Variants in PAK5 observed in about 807,000 individuals in gnomAD.
PAK5 encodes the protein p21 (RAC1) activated kinase 5.
In PAK5, 16 loss-of-function variants were observed where a neutral mutation model predicts 65.9. The ratio of observed to expected loss-of-function variants is 0.24; its 90% CI spans 0.16 to 0.37. The LOEUF (loss-of-function observed/expected upper bound fraction) is 0.37. Ranked by LOEUF, PAK5 falls within the 10% of genes least tolerant of loss-of-function variation. The pLI, the probability that PAK5 is intolerant of heterozygous loss-of-function variation, is 1.00. For synonymous variants in PAK5, 371 were observed against 354.9 expected, an observed-to-expected ratio of 1.05 and a Z score of -0.51; for missense variants, 785 against 903.9, an observed-to-expected ratio of 0.87 and a Z score of 1.69.
chr20:9,770,509 A>G (rs533841942), intron 1 of PAK5, among the ~76,000 whole-genome samples: 2 of 152,322 alleles, frequency 1.3e-5, no homozygotes, highest in Admixed American at 1.3e-4. Context: ...GAAACGAGCC[A>G]GCACAATGGT....
At position 9,802,860 on chromosome 20, in the gene PAK5, C is replaced by T. The variant is rs1025380861; in HGVS notation, c.-162+35902G>A. Among the ~76,000 whole-genome samples, 12 of 130,670 alleles carry T rather than the reference C, an allele frequency of 9.2e-5. No individual in the cohort carries two copies. The South Asian group carries it at 1.0e-3, about 11-fold the overall frequency. 85.7% of individuals were successfully genotyped at this position (130,670 alleles called of 152,430 possible). ...CCAACAGAAGGAATAGAACTAGAAA[C>T]GGGGTTTAATTTTCATTTTATTCCC... is the stretch of plus-strand genomic sequence containing the variant. On this transcript the variant is annotated intron_variant, in intron 1 of 9. Transcript: ENST00000353224.
intron 3 of PAK5, among the ~76,000 whole-genome samples, chr20:9,590,009 A>T (rs370040173): frequency 4.3e-4 from 66 of 151,758 alleles, no homozygotes; most frequent in African/African-American, 1.5e-3. Flanking sequence ...TTTTTTGAAG[A>T]CAAGGTCTTG....
chr20:9,691,842 T>A (rs554764025), intron 2 of PAK5, among the ~76,000 whole-genome samples: 1 of 152,290 alleles, frequency 6.6e-6, no homozygotes, highest in South Asian at 2.1e-4. Context: ...TTATAAACAT[T>A]TTTATTTGAG....
chr20:9,581,614 C>G (rs1048078331), intron 3 of PAK5, among the ~76,000 whole-genome samples: 3 of 152,140 alleles, frequency 2.0e-5, no homozygotes, highest in African/African-American at 7.2e-5. Context: ...GTTATGGCCA[C>G]ACTTCTGTGT....
intron 3 of PAK5, among the ~76,000 whole-genome samples, chr20:9,631,240 G>A (rs2046917084): frequency 6.6e-6 from 1 of 152,158 alleles, no homozygotes; most frequent in Non-Finnish European, 1.5e-5. Flanking sequence ...CATGAGTGTA[G>A]GCAGGATCTG....
intron 1 of PAK5, among the ~76,000 whole-genome samples, chr20:9,770,079 T>A (rs1053583628): frequency 9.9e-5 from 15 of 152,198 alleles, no homozygotes; most frequent in African/African-American, 3.6e-4. Flanking sequence ...AGAGCTTATG[T>A]GTATGACACA....
intron 1 of PAK5, among the ~76,000 whole-genome samples, chr20:9,770,195 G>A (rs1222172198): frequency 6.6e-6 from 1 of 152,144 alleles, no homozygotes; most frequent in East Asian, 1.9e-4. Context: ...CTTGGACTCT[G>A]CAGGAAGCAC....
intron 3 of PAK5, among the ~76,000 whole-genome samples, chr20:9,582,043 T>A (rs1476453913): frequency 6.6e-6 from 1 of 152,114 alleles, no homozygotes; most frequent in African/African-American, 2.4e-5. Flanking sequence ...GGACTAATAG[T>A]TTTGTACTAT....
chr20:9,829,148 A>G (rs1312780163), intron 1 of PAK5, among the ~76,000 whole-genome samples: 1 of 152,190 alleles, frequency 6.6e-6, no homozygotes, highest in African/African-American at 2.4e-5. Context: ...ACAACCAAAT[A>G]TTGATTTTTG....
chr20:9,657,343 G>A (rs1458944720), intron 2 of PAK5, among the ~76,000 whole-genome samples: 1 of 151,994 alleles, frequency 6.6e-6, no homozygotes, highest in Non-Finnish European at 1.5e-5. Context: ...TTTTTTATTG[G>A]TGAGTAGTAT....
At chr20:9,557,118 C>T (rs150933648) in intron 7 of PAK5, among the ~76,000 whole-genome samples, 11 of 152,274 alleles carry the variant, frequency 7.2e-5, no homozygotes, top group African/African-American at 1.2e-4. Flanking sequence ...AAGTACTGCA[C>T]TAATCCTCAT....
chr20:9,580,461 C>G lies in PAK5; in HGVS notation c.674G>C (p.Ser225Thr), dbSNP rs141245476. Residue 225 changes from serine (S) to threonine (T), a missense_variant, in exon 4 of 10, where the codon AGC (serine) becomes ACC (threonine). Physicochemically the swap from Ser to Thr is moderately conservative, Grantham distance 58 (BLOSUM62 1). Transcript: ENST00000353224. The stretch of plus-strand genomic sequence containing the variant: ...TTGGAATGAATAATCCAGAGGGGAG[C>G]TACTCGAGGCTCTCTGATACTCCCA... Reference protein sequence around the residue: ...LKWEYQRASSSSPLDYSFQFT... With the variant: ...LKWEYQRASSTSPLDYSFQFT... 90 of 1,614,048 alleles carry G rather than the reference C, an allele frequency of 5.6e-5. No homozygotes were observed. In the African/African-American group the frequency reaches 8.4e-4, roughly 15 times the overall value.
intron 2 of PAK5, among the ~76,000 whole-genome samples, chr20:9,694,567 T>C (rs1315396075): frequency 2.6e-5 from 4 of 152,044 alleles, no homozygotes; most frequent in Non-Finnish European, 5.9e-5. Context: ...AGTAACCAAC[T>C]CCATCAAAGG....
chr20:9,542,650 G>A lies in PAK5; in HGVS notation c.1940C>T (p.Pro647Leu), dbSNP rs1229227713. ...IDGEPPYFNE[P>L]PLQAMRRIRD... ...GATCCTCCGCATCGCCTGGAGGGGA[G>A]GCTCATTGAAGTAGGGGGGCTCGCC... Residue 647 changes from proline to leucine, a missense_variant, in exon 9 of 10, where the codon CCT becomes CTT. By Grantham distance (98) the Pro-to-Leu change is moderately conservative. This residue lies in a region of PAK5 where 110 missense variants were observed against 107.4 expected (regional missense o/e 1.02). Transcript: ENST00000353224. 6.2e-7 allele frequency: 1 copy of A among 1,613,746 alleles called. No individual in the cohort carries two copies. Among genetic ancestry groups the A allele is most frequent in the Non-Finnish European group, 8.5e-7 (1 of 1,179,652 alleles).
chr20:9,714,085 C>T (rs1203732586), intron 1 of PAK5, among the ~76,000 whole-genome samples: 1 of 152,066 alleles, frequency 6.6e-6, no homozygotes, highest in African/African-American at 2.4e-5. Flanking sequence ...TTTATTTTCA[C>T]ATTGTATACA....
chr20:9,804,762 G>C (rs2049211617), intron 1 of PAK5, among the ~76,000 whole-genome samples: 1 of 152,110 alleles, frequency 6.6e-6, no homozygotes, highest in Admixed American at 6.6e-5. Flanking sequence ...ACTATCCAGA[G>C]TGTGGGCCAG....
chr20:9,749,226 T>G (rs2048546098), intron 1 of PAK5, among the ~76,000 whole-genome samples: 1 of 152,128 alleles, frequency 6.6e-6, no homozygotes, highest in Non-Finnish European at 1.5e-5. Flanking sequence ...AGTAATTAAT[T>G]TTTGAAATAT....
chr20:9,807,704 G>A (rs538972141), intron 1 of PAK5, among the ~76,000 whole-genome samples: 1 of 151,376 alleles, frequency 6.6e-6, no homozygotes, highest in East Asian at 1.9e-4. Context: ...GGGCCTTGTG[G>A]CTAGGTTTTG....
intron 2 of PAK5, among the ~76,000 whole-genome samples, chr20:9,649,738 C>T (rs1011596758): frequency 1.3e-5 from 2 of 151,950 alleles, no homozygotes; most frequent in African/African-American, 2.4e-5. Context: ...GGGGTGATGG[C>T]GCAGCACCTC....
Sources: gnomAD v4.1 joint callset for allele counts (sites outside exome capture counted in the v4.1 genomes callset) on GRCh38, gnomAD v4.1.1 for gene constraint, gnomAD v4.1.1 regional missense constraint, MANE v1.5 for transcripts, NCBI Gene and HGNC (gene_info 2026-07-23, HGNC 2026-07-21) for gene names.